USP44: variants seen among roughly 807,000 people sequenced by gnomAD.
USP44 encodes the protein ubiquitin specific peptidase 44.
Under a neutral mutation model 69.0 loss-of-function variants are expected in USP44, and 61 were observed. That is an observed-to-expected ratio of 0.88 (90% confidence interval 0.72 to 1.09). USP44 has a LOEUF of 1.09. Among genes scored for constraint, USP44 ranks in the 50% least tolerant of loss-of-function variants. The pLI, the probability that USP44 is intolerant of heterozygous loss-of-function variation, is 0.00. For synonymous variants in USP44, 297 were observed against 295.4 expected (o/e 1.01, Z -0.06); for missense variants, 753 against 849.9 (o/e 0.89, Z 1.42).
intron 1 of USP44, among the ~76,000 whole-genome samples, chr12:95,544,085 C>T (rs1592748221): frequency 8.8e-6 from 1 of 113,988 alleles, no homozygotes; most frequent in South Asian, 3.5e-4. Flanking sequence ...GATGGAGTCT[C>T]GCTCTGTCGC....
At chr12:95,540,891 TTCC>T (rs1374770636) in intron 1 of USP44, among the ~76,000 whole-genome samples, 4 of 152,224 alleles carry the variant, frequency 2.6e-5, no homozygotes, top group Non-Finnish European at 1.5e-5. Context: ...TAATTTTAAT[TTCC>T]TCATTATGAA....
chr12:95,538,559 A>C (rs969933785), intron 1 of USP44, among the ~76,000 whole-genome samples: 1 of 152,046 alleles, frequency 6.6e-6, no homozygotes, highest in Admixed American at 6.6e-5. Context: ...GGGTCTCTCA[A>C]AGATAAAATC....
At chr12:95,532,795 CA>C in intron 2 of USP44, 33 bp downstream of exon 2, 1 of 1,522,024 alleles carries the variant, frequency 6.6e-7, no homozygotes, top group Non-Finnish European at 8.8e-7. Flanking sequence ...TATGAACTCC[CA>C]ATGATGAAAA....
chr12:95,535,539 T>A (rs1199785486), intron 1 of USP44: 4 of 152,160 alleles, frequency 2.6e-5, no homozygotes, highest in Non-Finnish European at 5.9e-5. Context: ...TGGGTGGCAA[T>A]AAGCTTTTAT....
At position 95,548,648 on chromosome 12, in the gene USP44, C is replaced by T. The variant is rs2077655908; in HGVS notation, c.-71+2624G>A. ...TCCCTCTCTCAGGACCCCCCAGCGC[C>T]CTGCGCGGCGAGAATAGGCCCCCAG... On this transcript the variant is annotated intron_variant, in intron 1 of 5. Transcript: ENST00000258499. This position sits in a 1 kb window ranked among gnomAD's most constrained non-coding sequence, Gnocchi z 4.1. The T allele has an allele frequency of 6.6e-6, 1 of 152,268 alleles. No individual in the cohort carries two copies. Among genetic ancestry groups the T allele is most frequent in the African/African-American group, 2.4e-5 (1 of 41,444 alleles). The allele number at this position is 152,268 out of a possible 1,614,324, so 9.4% of individuals were successfully genotyped here.
At chr12:95,550,035 C>T (rs1219720010) in intron 1 of USP44, among the ~76,000 whole-genome samples, 3 of 151,860 alleles carry the variant, frequency 2.0e-5, no homozygotes, top group Admixed American at 1.3e-4. Flanking sequence ...AAAAATTATC[C>T]GGGCCTGGTG....
rs541314573 is a variant in USP44, at chr12:95,536,680, C to T, written c.-70-2354G>A. On this transcript the variant is annotated intron_variant, in intron 1 of 5. Coordinates refer to ENST00000258499, the MANE Select transcript of USP44 (RefSeq NM_032147.5). Reference sequence around the variant, plus strand: ...GATCCAAGCTACAATCAAGTCTTACCGGGATTACTGCAGTAAGGCTCCCAG... The same window carrying T: ...GATCCAAGCTACAATCAAGTCTTACTGGGATTACTGCAGTAAGGCTCCCAG... Among the ~76,000 whole-genome samples the T allele has an allele frequency of 7.9e-5, 12 of 152,240 alleles. No homozygotes were observed. In the South Asian group the frequency reaches 1.7e-3, roughly 21 times the overall value.
At position 95,529,135 on chromosome 12, in the gene USP44, T is replaced by G. The variant is rs77941202; in HGVS notation, c.1429-133A>C. On this transcript the variant is annotated intron_variant, in intron 2 of 5. Coordinates refer to ENST00000258499, the MANE Select transcript of USP44 (RefSeq NM_032147.5). ...CCATTAGGATTCTGAATAATCTGCTTTATATTCTTGTCAGGAAATCTTTCA... is the reference window on the plus strand; with the variant it reads ...CCATTAGGATTCTGAATAATCTGCTGTATATTCTTGTCAGGAAATCTTTCA... 1.6e-3 allele frequency: 1,202 copies of G among 757,846 alleles called. 12 individuals carry two copies. The African/African-American group carries it at 0.019, about 12-fold the overall frequency. 46.9% of individuals were successfully genotyped at this position (757,846 alleles called of 1,614,324 possible).
At chr12:95,536,627 T>G (rs903839103) in intron 1 of USP44, among the ~76,000 whole-genome samples, 3 of 152,112 alleles carry the variant, frequency 2.0e-5, no homozygotes, top group East Asian at 1.9e-4. Context: ...GAATCTGACT[T>G]ACTTAGTGCC....
At chr12:95,527,249 C>T (rs1412792582) in intron 3 of USP44, among the ~76,000 whole-genome samples, 2 of 152,024 alleles carry the variant, frequency 1.3e-5, no homozygotes, top group East Asian at 1.9e-4. Flanking sequence ...CGCACGCCAC[C>T]ATGCCCAGCT....
intron 4 of USP44, chr12:95,522,115 G>T (rs147410558): frequency 2.0e-6 from 2 of 985,150 alleles, no homozygotes; most frequent in African/African-American, 1.7e-5. Context: ...TAATGAGTTG[G>T]TGCTACGAGG....
chr12:95,525,284 CTGGT>C, intron 3 of USP44, among the ~76,000 whole-genome samples: 1 of 152,106 alleles, frequency 6.6e-6, no homozygotes, highest in Non-Finnish European at 1.5e-5. Context: ...GTTGGCCAGG[CTGGT>C]CTCGAACTCC....
At chr12:95,534,626 T>G (rs2077138957) in intron 1 of USP44, among the ~76,000 whole-genome samples, 1 of 152,030 alleles carries the variant, frequency 6.6e-6, no homozygotes, top group South Asian at 2.1e-4. Flanking sequence ...TAGCTTAAGA[T>G]CTATCCTTTT....
Position 95,534,890 on chromosome 12 carries a change from A to G in USP44, c.-70-564T>C, listed in dbSNP as rs145291381. 3.1e-3 allele frequency among the ~76,000 whole-genome samples: 473 copies of G among 152,260 alleles called. 2 individuals carry two copies. Among genetic ancestry groups the G allele is most frequent in the African/African-American group, 0.01 (427 of 41,558 alleles). Reference sequence around the variant, plus strand: ...GAGACAAGGTTTCGTCATGTTGCCCAGGCTGGTCTTGAACTCCTGAGCTCG... The same window carrying G: ...GAGACAAGGTTTCGTCATGTTGCCCGGGCTGGTCTTGAACTCCTGAGCTCG... On this transcript the variant is annotated intron_variant, in intron 1 of 5. Transcript: ENST00000258499.
In USP44 at chr12:95,534,176, C is replaced by A; in HGVS notation, c.81G>T (p.Trp27Cys). Residue 27 changes from tryptophan to cysteine, a missense_variant, in exon 2 of 6, where the codon TGG becomes TGT. Coordinates refer to ENST00000258499, the MANE Select transcript of USP44 (RefSeq NM_032147.5). ...CGGTCGTGTTGCAGTCCACACAGTG[C>A]CATTTCTGAGGGTTGAGGCTGGAAT... is the stretch of plus-strand genomic sequence containing the variant. ...QDHSSLNPQK[W>C]HCVDCNTTES... 6.2e-7 allele frequency: 1 copy of A among 1,614,120 alleles called. No individual in the cohort carries two copies. The highest frequency in any genetic ancestry group is 8.5e-7 in the Non-Finnish European group (1 of 1,180,012).
Position 95,533,914 on chromosome 12 carries a change from G to T in USP44, c.343C>A (p.Arg115Ser). 1 of 1,614,116 alleles carries T rather than the reference G, an allele frequency of 6.2e-7. No homozygotes were observed. Among genetic ancestry groups the T allele is most frequent in the Admixed American group, 1.7e-5 (1 of 60,014 alleles). ...IKSQNYHCTTRSGRFLRSMGT... is the reference protein window; with the variant it reads ...IKSQNYHCTTSSGRFLRSMGT... ...ATGGACCGTAAAAACCTCCCACTAC[G>T]AGTTGTGCAGTGATAATTTTGACTT... is the stretch of plus-strand genomic sequence containing the variant. The change falls in exon 2 of 6, where the codon CGT becomes AGT. Residue 115 changes from arginine to serine, a missense_variant. By Grantham distance (110) the Arg-to-Ser change is moderately radical. Transcript: ENST00000258499.
chr12:95,544,619 A>C (rs565966680), intron 1 of USP44, among the ~76,000 whole-genome samples: 3 of 152,338 alleles, frequency 2.0e-5, no homozygotes, highest in African/African-American at 7.2e-5. Flanking sequence ...CATGATGAAT[A>C]AACACACAAA....
At position 95,547,030 on chromosome 12, in the gene USP44, T is replaced by C. The variant is rs559976312; in HGVS notation, c.-71+4242A>G. 6.6e-5 allele frequency: 10 copies of C among 152,342 alleles called. No homozygotes were observed. In the South Asian group the frequency reaches 2.1e-3, roughly 32 times the overall value. The allele number at this position is 152,342 out of a possible 1,614,324, so 9.4% of individuals were successfully genotyped here. On this transcript the variant is annotated intron_variant, in intron 1 of 5. Coordinates refer to ENST00000258499, the MANE Select transcript of USP44 (RefSeq NM_032147.5). ...GAAAGACAACTGGGTAGAAAATTTA[T>C]TTCAAATATCTAACCCAAATCTTCA...
intron 1 of USP44, among the ~76,000 whole-genome samples, chr12:95,543,594 A>G (rs1380361061): frequency 6.6e-6 from 1 of 152,012 alleles, no homozygotes; most frequent in Non-Finnish European, 1.5e-5. Flanking sequence ...GCAGTGCATG[A>G]CTATAGTCCC....
Sources: gnomAD v4.1 joint callset for allele counts (sites outside exome capture counted in the v4.1 genomes callset) on GRCh38, gnomAD v4.1.1 for gene constraint, Gnocchi (gnomAD v3.1) non-coding constraint, MANE v1.5 for transcripts, NCBI Gene and HGNC (gene_info 2026-07-23, HGNC 2026-07-21) for gene names.